The following CFB variants were observed in gnomAD, a reference collection of about 807,000 sequenced individuals.
CFB encodes complement factor B.
A neutral mutation model predicts 97.2 loss-of-function variants in CFB; 59 were observed. The observed-to-expected ratio is 0.61, with a 90% CI of 0.49 to 0.75. CFB has a LOEUF of 0.75. Ranked by LOEUF, CFB falls within the 30% of genes least tolerant of loss-of-function variation. The probability of loss-of-function intolerance (pLI) is 0.00; values close to 1 mark genes in which losing one functional copy is unlikely to be tolerated. For synonymous variants in CFB, 316 were observed against 351.7 expected, an observed-to-expected ratio of 0.90 and a Z score of 1.14; for missense variants, 771 against 959.8, an observed-to-expected ratio of 0.80 and a Z score of 2.60.
chr6:31,950,350 C>G lies in CFB; in HGVS notation c.1571C>G (p.Ala524Gly), dbSNP rs1226258889. The change falls in exon 12 of 18, where the codon GCA (alanine) becomes GGA (glycine). Residue 524 changes from alanine (A) to glycine (G), a missense_variant. Physicochemically the swap from Ala to Gly is moderately conservative, Grantham distance 60 (BLOSUM62 0). Coordinates refer to ENST00000425368, the MANE Select transcript of CFB (RefSeq NM_001710.6). Reference sequence around the variant, plus strand: ...GTGTCTGAGTACTTTGTGCTGACAGCAGCACATTGTTTCACTGTGGATGAC... The same window carrying G: ...GTGTCTGAGTACTTTGTGCTGACAGGAGCACATTGTTTCACTGTGGATGAC... ...AVVSEYFVLT[A>G]AHCFTVDDKE... 6.2e-7 allele frequency: 1 copy of G among 1,613,088 alleles called. No individual in the cohort carries two copies. Among genetic ancestry groups the G allele is most frequent in the South Asian group, 1.1e-5 (1 of 91,084 alleles).
chr6:31,948,188 T>C, intron 6 of CFB, 107 bp downstream of exon 6: 1 of 1,533,658 alleles, frequency 6.5e-7, no homozygotes, highest in Admixed American at 1.9e-5. Context: ...CCCAGGAAAA[T>C]CTCCAGGTCC....
chr6:31,948,324 C>CA, intron 6 of CFB, 50 bp from the exon 7 acceptor site: 1 of 1,613,112 alleles, frequency 6.2e-7, no homozygotes, highest in Non-Finnish European at 8.5e-7. Flanking sequence ...ATCTCCCAAT[C>CA]ACAGTATTCT....
Position 31,951,097 on chromosome 6 carries a change from G to A in CFB, c.1856-47G>A. The stretch of plus-strand genomic sequence containing the variant: ...TACTGAGTGACAAAGGCAATGGGGA[G>A]ATGACAGTGGTGGGAGCAGCTGAAG... On this transcript the variant is annotated intron_variant, in intron 14 of 17. Coordinates refer to ENST00000425368, the MANE Select transcript of CFB (RefSeq NM_001710.6). This position sits in a 1 kb window ranked among gnomAD's most constrained non-coding sequence, Gnocchi z 4.3. 6.3e-7 allele frequency: 1 copy of A among 1,599,146 alleles called. No homozygotes were observed. The highest frequency in any genetic ancestry group is 8.6e-7 in the Non-Finnish European group (1 of 1,167,884).
In CFB at chr6:31,951,871, G is replaced by A. The variant is rs1444420307; in HGVS notation, c.2140-4G>A. The stretch of plus-strand genomic sequence containing the variant: ...TGATCCATGGCACCCCACTGCCTCT[G>A]CAGGTTGGTGTAATCAGCTGGGGAG... On this transcript the variant is annotated splice_region_variant and splice_polypyrimidine_tract_variant and intron_variant, in intron 17 of 17. Transcript: ENST00000425368. The surrounding 1 kb of genome is among the most constrained non-coding windows in gnomAD (Gnocchi z 4.3). 7 of 1,613,108 alleles carry A rather than the reference G, an allele frequency of 4.3e-6. No homozygotes were observed. Among genetic ancestry groups the A allele is most frequent in the Admixed American group, 1.7e-5 (1 of 60,016 alleles).
At position 31,946,790 on chromosome 6, in the gene CFB, C is replaced by T. The variant is rs755222149; in HGVS notation, c.298+184C>T. The T allele has an allele frequency of 1.0e-5, 8 of 788,894 alleles. No individual in the cohort carries two copies. Among genetic ancestry groups the T allele is most frequent in the Admixed American group, 6.0e-5 (3 of 49,870 alleles). 48.9% of individuals were successfully genotyped at this position (788,894 alleles called of 1,614,324 possible). On this transcript the variant is annotated intron_variant, in intron 2 of 17. Coordinates refer to ENST00000425368, the MANE Select transcript of CFB (RefSeq NM_001710.6). The surrounding 1 kb of genome is among the most constrained non-coding windows in gnomAD (Gnocchi z 6.4). The stretch of plus-strand genomic sequence containing the variant: ...GAGTTAACCCTTACTAAGCATTTAC[C>T]CTGGGCTTCCAGGCAGCCCTGGAAG...
chr6:31,946,742 C>T lies in CFB; in HGVS notation c.298+136C>T, dbSNP rs1278686677. 2.2e-5 allele frequency: 20 copies of T among 898,646 alleles called. No individual in the cohort carries two copies. The highest frequency in any genetic ancestry group is 2.6e-4 in the Middle Eastern group (1 of 3,826). 55.7% of individuals were successfully genotyped at this position (898,646 alleles called of 1,614,324 possible). ...GTAGGAGCAGTTTTAGGGTGGCAGG[C>T]GGAAAGGGGGCAAGAAAAAGCGGAG... On this transcript the variant is annotated intron_variant, in intron 2 of 17. Coordinates refer to ENST00000425368, the MANE Select transcript of CFB (RefSeq NM_001710.6). The surrounding 1 kb of genome is among the most constrained non-coding windows in gnomAD (Gnocchi z 6.4).
At chr6:31,949,165 A>AC in intron 8 of CFB, 78 bp from the exon 9 acceptor site, 1 of 1,504,348 alleles carries the variant, frequency 6.6e-7, no homozygotes, top group African/African-American at 1.4e-5. Flanking sequence ...CAACTTGCTC[A>AC]CCCTGCCATG....
At chr6:31,948,557 G>A (rs2151784122) in intron 7 of CFB, 45 bp downstream of exon 7, 2 of 1,612,796 alleles carry the variant, frequency 1.2e-6, no homozygotes, top group Non-Finnish European at 8.5e-7. Flanking sequence ...GGGGTCAGGA[G>A]GTTCAGGGTG....
Position 31,946,672 on chromosome 6 carries a change from G to T in CFB, c.298+66G>T. On this transcript the variant is annotated intron_variant, in intron 2 of 17. Coordinates refer to ENST00000425368, the MANE Select transcript of CFB (RefSeq NM_001710.6). The surrounding 1 kb of genome is among the most constrained non-coding windows in gnomAD (Gnocchi z 6.4). Reference sequence around the variant, plus strand: ...ACAGGGCAGGCGGCAGCAAGGTCAGGACTAGGATGAGACTAGGCAGGGTGA... The same window carrying T: ...ACAGGGCAGGCGGCAGCAAGGTCAGTACTAGGATGAGACTAGGCAGGGTGA... 7.0e-7 allele frequency: 1 copy of T among 1,432,172 alleles called. No homozygotes were observed. Among genetic ancestry groups the T allele is most frequent in the South Asian group, 1.2e-5 (1 of 84,868 alleles). The allele number at this position is 1,432,172 out of a possible 1,614,324, so 88.7% of individuals were successfully genotyped here. A position where few individuals can be genotyped will look rare whatever the true frequency, so the allele number is the denominator to read the frequency against.
rs1771651515 is a variant in CFB at position 31,950,050 on chromosome 6, A to G, written c.1409A>G (p.Asp470Gly). The change falls in exon 11 of 18, where the codon GAT becomes GGT. Residue 470 changes from aspartate to glycine, a missense_variant and splice_region_variant. Coordinates refer to ENST00000425368, the MANE Select transcript of CFB (RefSeq NM_001710.6). Reference sequence around the variant, plus strand: ...TCAGCACATTCTCCTTCTCTGCCAGATGAAAGCCAGTCTCTGAGTCTCTGT... The same window carrying G: ...TCAGCACATTCTCCTTCTCTGCCAGGTGAAAGCCAGTCTCTGAGTCTCTGT... Reference protein sequence around the residue: ...NLEDVFYQMIDESQSLSLCGM... With the variant: ...NLEDVFYQMIGESQSLSLCGM... 1 of 1,612,896 alleles carries G rather than the reference A, an allele frequency of 6.2e-7. No individual in the cohort carries two copies. The highest frequency in any genetic ancestry group is 1.1e-5 in the South Asian group (1 of 91,074).
intron 8 of CFB, 31 bp from the exon 9 acceptor site, chr6:31,949,212 T>C: frequency 6.2e-7 from 1 of 1,609,858 alleles, no homozygotes; most frequent in Non-Finnish European, 8.5e-7. Context: ...CTTCCTTATC[T>C]CCTACCCTCA....
In CFB at chr6:31,951,660, A is replaced by G; in HGVS notation, c.2139+56A>G. 1 of 1,609,896 alleles carries G rather than the reference A, an allele frequency of 6.2e-7. No individual in the cohort carries two copies. Among genetic ancestry groups the G allele is most frequent in the Non-Finnish European group, 8.5e-7 (1 of 1,176,116 alleles). On this transcript the variant is annotated intron_variant, in intron 17 of 17. Transcript: ENST00000425368. This position sits in a 1 kb window ranked among gnomAD's most constrained non-coding sequence, Gnocchi z 4.3. ...GCCAAGTGGTCAGCATGGGCCCCAAAGCAGGAAAGCTCAATGCATGTGGCT... is the reference window on the plus strand; with the variant it reads ...GCCAAGTGGTCAGCATGGGCCCCAAGGCAGGAAAGCTCAATGCATGTGGCT...
chr6:31,948,003 G>A lies in CFB; in HGVS notation c.819G>A (p.Leu273=), dbSNP rs773467609. 1 of 1,614,172 alleles carries A rather than the reference G, an allele frequency of 6.2e-7. No individual in the cohort carries two copies. Among genetic ancestry groups the A allele is most frequent in the Admixed American group, 1.7e-5 (1 of 60,032 alleles). The change falls in exon 6 of 18, where the codon CTG becomes CTA. Residue 273 remains leucine (L), a synonymous_variant. Transcript: ENST00000425368. ...LDPSGSMNIY[L]VLDGSDSIGA... ...CTTCAGGCTCCATGAACATCTACCT[G>A]GTGCTAGATGGATCAGACAGCATTG...
At position 31,950,902 on chromosome 6, in the gene CFB, C is replaced by T. The variant is rs754972855; in HGVS notation, c.1813C>T (p.Arg605Ter). Residue 605 changes from arginine to a stop codon, truncating the protein, a stop_gained, in exon 14 of 18, where the codon CGA (arginine) becomes TGA (stop). Coordinates refer to ENST00000425368, the MANE Select transcript of CFB (RefSeq NM_001710.6). LOFTEE classifies it high-confidence loss of function. The part of the protein sequence containing the change: ...ICLPCTEGTT[R>*]ALRLPPTTTC... ...TCTCCCCTGCACCGAGGGAACAACT[C>T]GAGCTTTGAGGCTTCCTCCAACTAC... is the stretch of plus-strand genomic sequence containing the variant. 4 of 1,612,866 alleles carry T rather than the reference C, an allele frequency of 2.5e-6. No homozygotes were observed. The highest frequency in any genetic ancestry group is 2.2e-5 in the East Asian group (1 of 44,884).
At position 31,949,944 on chromosome 6, in the gene CFB, C is replaced by A; in HGVS notation, c.1409-106C>A. ...GGAAACAAATACCCGTGGTCTTTCC[C>A]TTTCTCCTTTTGGGCCTTTGCTCCC... On this transcript the variant is annotated intron_variant, in intron 10 of 17. Transcript: ENST00000425368. 5 of 1,068,416 alleles carry A rather than the reference C, an allele frequency of 4.7e-6. No homozygotes were observed. The South Asian group carries it at 6.3e-5, about 14-fold the overall frequency. 66.2% of individuals were successfully genotyped at this position (1,068,416 alleles called of 1,614,324 possible).
Position 31,949,763 on chromosome 6 carries a change from T to C in CFB, c.1408+206T>C, listed in dbSNP as rs4151657. 237,770 of 722,146 alleles carry C rather than the reference T, an allele frequency of 0.33. 42,360 individuals are homozygous for C. The highest frequency in any genetic ancestry group is 0.47 in the Middle Eastern group (1,272 of 2,696). 44.7% of individuals were successfully genotyped at this position (722,146 alleles called of 1,614,324 possible). Reference sequence around the variant, plus strand: ...TCTGAGCACTTCAGAGATCTTTCTATAGTCCTACATTTGACACGTGGAAAC... The same window carrying C: ...TCTGAGCACTTCAGAGATCTTTCTACAGTCCTACATTTGACACGTGGAAAC... On this transcript the variant is annotated intron_variant, in intron 10 of 17. Transcript: ENST00000425368.
chr6:31,949,596 C>G (rs1771631619), intron 10 of CFB, 39 bp downstream of exon 10: 1 of 1,610,918 alleles, frequency 6.2e-7, no homozygotes, highest in Non-Finnish European at 8.5e-7. Flanking sequence ...CAACTCTCCT[C>G]AGGTTCCCCT....
chr6:31,951,691 T>C lies in CFB; in HGVS notation c.2139+87T>C, dbSNP rs1220320462. ...AAAGCTCAATGCATGTGGCTAGTAA[T>C]TCGAGGTAGGCAGAGCCTGCCTCAC... On this transcript the variant is annotated intron_variant, in intron 17 of 17. Transcript: ENST00000425368. The surrounding 1 kb of genome is among the most constrained non-coding windows in gnomAD (Gnocchi z 4.3). The C allele has an allele frequency of 1.9e-6, 3 of 1,591,776 alleles. No homozygotes were observed. Among genetic ancestry groups the C allele is most frequent in the Non-Finnish European group, 8.6e-7 (1 of 1,159,730 alleles).
Position 31,947,305 on chromosome 6 carries a change from C to T in CFB, c.485-43C>T, listed in dbSNP as rs1480321224. Reference sequence around the variant, plus strand: ...CTTGCTCTCTACCTTGCTCACGGGGCCTCAGGCTTCAGTGCTTACCTCGAT... The same window carrying T: ...CTTGCTCTCTACCTTGCTCACGGGGTCTCAGGCTTCAGTGCTTACCTCGAT... On this transcript the variant is annotated intron_variant, in intron 3 of 17. Transcript: ENST00000425368. The surrounding 1 kb of genome is among the most constrained non-coding windows in gnomAD (Gnocchi z 5.3). The T allele has an allele frequency of 6.2e-7, 1 of 1,612,286 alleles. No homozygotes were observed. Among genetic ancestry groups the T allele is most frequent in the African/African-American group, 1.3e-5 (1 of 74,914 alleles).
Sources: gnomAD v4.1 joint callset for allele counts on GRCh38, gnomAD v4.1.1 for gene constraint, Gnocchi (gnomAD v3.1) non-coding constraint, MANE v1.5 for transcripts, NCBI Gene and HGNC (gene_info 2026-07-23, HGNC 2026-07-21) for gene names.